The following SNX29 variants were observed in gnomAD, a reference collection of about 807,000 sequenced individuals.
SNX29 encodes the protein sorting nexin 29.
SNX29 carries 78 observed loss-of-function variants against 102.1 expected under a neutral mutation model. The ratio of observed to expected loss-of-function variants is 0.76; its 90% CI spans 0.64 to 0.92. The LOEUF is 0.92. SNX29 is among the 40% of genes least tolerant of loss of function. SNX29 has a pLI of 0.00. For synonymous variants in SNX29, 580 were observed against 414.5 expected (o/e 1.40, Z -4.85); for missense variants, 1,280 against 1,061.7 (o/e 1.21, Z -2.86).
chr16:12,190,865 G>A (rs2076624622), intron 13 of SNX29, among the ~76,000 whole-genome samples: 1 of 152,176 alleles, frequency 6.6e-6, no homozygotes, highest in Non-Finnish European at 1.5e-5. Flanking sequence ...TGACGCTGGG[G>A]GAAAGTGCTC....
chr16:12,109,632 A>T (rs2053422235), intron 11 of SNX29, among the ~76,000 whole-genome samples: 1 of 152,074 alleles, frequency 6.6e-6, no homozygotes. Context: ...TGTCATCTGG[A>T]GCAAGGAGGG....
At chr16:12,250,214 C>T (rs555476127) in intron 14 of SNX29, among the ~76,000 whole-genome samples, 2 of 152,310 alleles carry the variant, frequency 1.3e-5, no homozygotes, top group South Asian at 4.1e-4. Flanking sequence ...CAAGAGCGGG[C>T]ACGGGAGTTG....
intron 18 of SNX29, among the ~76,000 whole-genome samples, chr16:12,412,543 A>T (rs2084445395): frequency 6.6e-6 from 1 of 152,204 alleles, no homozygotes; most frequent in Admixed American, 6.5e-5. Flanking sequence ...TGTGGAATTG[A>T]TGGGTCCCTG....
At chr16:12,224,834 C>T (rs568697922) in intron 14 of SNX29, among the ~76,000 whole-genome samples, 1 of 152,046 alleles carries the variant, frequency 6.6e-6, no homozygotes, top group Non-Finnish European at 1.5e-5. Context: ...CCCAGGCAAA[C>T]GTGACAGGGT....
chr16:12,333,910 C>T (rs2081368121), intron 15 of SNX29, among the ~76,000 whole-genome samples: 1 of 152,148 alleles, frequency 6.6e-6, no homozygotes, highest in African/African-American at 2.4e-5. Flanking sequence ...CAGATGCATC[C>T]CGCGTTTCCG....
intron 15 of SNX29, among the ~76,000 whole-genome samples, chr16:12,355,804 C>G: frequency 8.1e-6 from 1 of 124,118 alleles, no homozygotes; most frequent in Admixed American, 1.0e-4. Context: ...GGTGTCAGTT[C>G]CTTGTTAGAT....
At chr16:12,561,341 A>C (rs1001543615) in intron 20 of SNX29, among the ~76,000 whole-genome samples, 1 of 152,136 alleles carries the variant, frequency 6.6e-6, no homozygotes, top group Non-Finnish European at 1.5e-5. Context: ...CAAAGTGGTG[A>C]GACTCACAGA....
chr16:12,550,507 T>A (rs2077903204), intron 20 of SNX29, among the ~76,000 whole-genome samples: 1 of 145,874 alleles, frequency 6.9e-6, no homozygotes, highest in Non-Finnish European at 1.5e-5. Flanking sequence ...TACATTCCAG[T>A]CTGGGAGACA....
intron 15 of SNX29, among the ~76,000 whole-genome samples, chr16:12,345,275 T>C (rs1159976917): frequency 6.6e-6 from 1 of 152,220 alleles, no homozygotes; most frequent in Non-Finnish European, 1.5e-5. Flanking sequence ...GTCTGGGCGT[T>C]AGCTACTGCA....
At chr16:12,304,407 G>A (rs1014773248) in intron 15 of SNX29, among the ~76,000 whole-genome samples, 2 of 152,132 alleles carry the variant, frequency 1.3e-5, no homozygotes, top group Admixed American at 1.3e-4. Flanking sequence ...TGAGTAGTTG[G>A]GACTACAGGT....
intron 15 of SNX29, among the ~76,000 whole-genome samples, chr16:12,309,120 C>T (rs2080446890): frequency 6.6e-6 from 1 of 152,198 alleles, no homozygotes; most frequent in South Asian, 2.1e-4. Flanking sequence ...TTTGGGGGTT[C>T]TGCAACCCTG....
intron 19 of SNX29, among the ~76,000 whole-genome samples, chr16:12,520,395 A>C (rs2090052900): frequency 6.6e-6 from 1 of 152,172 alleles, no homozygotes; most frequent in Non-Finnish European, 1.5e-5. Context: ...TGTACTGGGG[A>C]GGCTGTCCCT....
chr16:12,499,178 C>G (rs2088983020), intron 19 of SNX29, among the ~76,000 whole-genome samples: 1 of 152,196 alleles, frequency 6.6e-6, no homozygotes, highest in Non-Finnish European at 1.5e-5. Context: ...ACTGGAACAA[C>G]CAATAAAAAA....
chr16:12,125,830 G>GT (rs1305816726), intron 11 of SNX29, among the ~76,000 whole-genome samples: 2 of 151,886 alleles, frequency 1.3e-5, no homozygotes, highest in African/African-American at 4.8e-5. Context: ...CTGGGAAACA[G>GT]TTTTTTCCTC....
chr16:12,087,779 C>G (rs761193098), intron 11 of SNX29: 3 of 446,866 alleles, frequency 6.7e-6, no homozygotes, highest in Non-Finnish European at 1.4e-5. Flanking sequence ...AGTCACACAG[C>G]CAAACTTCTG....
chr16:12,319,242 G>A (rs894394217), intron 15 of SNX29, among the ~76,000 whole-genome samples: 1 of 152,142 alleles, frequency 6.6e-6, no homozygotes, highest in Non-Finnish European at 1.5e-5. Context: ...CTGTGTTAGT[G>A]AGAACTGGCC....
At chr16:12,160,775 G>C (rs1052639894) in intron 13 of SNX29, among the ~76,000 whole-genome samples, 6 of 152,224 alleles carry the variant, frequency 3.9e-5, no homozygotes, top group African/African-American at 1.2e-4. Context: ...GTTAATAACA[G>C]CTACTACTGA....
At chr16:12,020,398 TG>T (rs2056983007) in intron 3 of SNX29, among the ~76,000 whole-genome samples, 1 of 152,070 alleles carries the variant, frequency 6.6e-6, no homozygotes, top group Admixed American at 6.6e-5. Flanking sequence ...GATGAGGTTT[TG>T]CTTTGTTGCC....
At chr16:12,066,565 T>C (rs116897729) in intron 9 of SNX29, among the ~76,000 whole-genome samples, 2,866 of 152,232 alleles carry the variant, frequency 0.019, 67 homozygotes, top group African/African-American at 0.047. Context: ...AGCACTGTCG[T>C]CTTCACGGAG....
Sources: allele counts gnomAD v4.1 joint callset (sites outside exome capture counted in the v4.1 genomes callset), GRCh38; gene constraint gnomAD v4.1.1; transcripts MANE v1.5; gene names NCBI Gene and HGNC (gene_info 2026-07-23, HGNC 2026-07-21).